The following MNX1 variants were observed in gnomAD, a reference collection of about 807,000 sequenced individuals.
MNX1 encodes the protein motor neuron and pancreas homeobox protein 1.
A neutral mutation model predicts 17.3 loss-of-function variants in MNX1; 2 were observed. The observed-to-expected ratio is 0.12, with a 90% CI of 0.05 to 0.36. MNX1 has a LOEUF of 0.36. MNX1 is among the 10% of genes least tolerant of loss of function. The pLI is 1.00. For synonymous variants in MNX1, 306 were observed against 283.1 expected (o/e 1.08, Z -0.81); for missense variants, 556 against 564.7 (o/e 0.98, Z 0.16).
Position 157,009,620 on chromosome 7 carries a change from C to T in MNX1, c.691+40G>A. On this transcript the variant is annotated intron_variant, in intron 1 of 2. Coordinates refer to ENST00000252971, the MANE Select transcript of MNX1 (RefSeq NM_005515.4). ...GTGCCGGTGGAGGATGCGCGAGGCCCTCCCGCCACGCGCATCCACGGGGGC... is the reference window on the plus strand; with the variant it reads ...GTGCCGGTGGAGGATGCGCGAGGCCTTCCCGCCACGCGCATCCACGGGGGC... 6 of 1,596,568 alleles carry T rather than the reference C, an allele frequency of 3.8e-6. No homozygotes were observed. The African/African-American group carries it at 5.4e-5, about 14-fold the overall frequency.
Position 157,005,333 on chromosome 7 carries a change from A to T in MNX1, c.*187T>A. The T allele has an allele frequency of 4.0e-6, 1 of 250,364 alleles. No individual in the cohort carries two copies. Among genetic ancestry groups the T allele is most frequent in the Non-Finnish European group, 6.6e-6 (1 of 151,950 alleles). 15.5% of individuals were successfully genotyped at this position (250,364 alleles called of 1,614,324 possible). A position where few individuals can be genotyped will look rare whatever the true frequency, so the allele number is the denominator to read the frequency against. ...GAGCAGGTGAGGCGCCCTTGCTTAA[A>T]AGGGAAGCGCCCAGGACCGGAGCCG... On this transcript the variant is annotated 3_prime_UTR_variant, in exon 3 of 3. Transcript: ENST00000252971.
In MNX1 at chr7:157,006,755, A is replaced by C; in HGVS notation, c.692-116T>G. 8.7e-7 allele frequency: 1 copy of C among 1,150,106 alleles called. No homozygotes were observed. The highest frequency in any genetic ancestry group is 1.2e-6 in the Non-Finnish European group (1 of 833,838). 71.2% of individuals were successfully genotyped at this position (1,150,106 alleles called of 1,614,324 possible). ...CCAGCGCCAAGGCCTGGCCCTGCAGAGGGCGGGGCTGTTCCCTCACTATCA... is the reference window on the plus strand; with the variant it reads ...CCAGCGCCAAGGCCTGGCCCTGCAGCGGGCGGGGCTGTTCCCTCACTATCA... On this transcript the variant is annotated intron_variant, in intron 1 of 2. Transcript: ENST00000252971. This position sits in a 1 kb window ranked among gnomAD's most constrained non-coding sequence, Gnocchi z 6.3.
Position 157,004,922 on chromosome 7 carries a change from A to G in MNX1, c.*598T>C, listed in dbSNP as rs2134836429. 1 of 199,566 alleles carries G rather than the reference A, an allele frequency of 5.0e-6. No homozygotes were observed. The highest frequency in any genetic ancestry group is 1.9e-4 in the South Asian group (1 of 5,232). 12.4% of individuals were successfully genotyped at this position (199,566 alleles called of 1,614,324 possible). On this transcript the variant is annotated 3_prime_UTR_variant, in exon 3 of 3. Coordinates refer to ENST00000252971, the MANE Select transcript of MNX1 (RefSeq NM_005515.4). This position sits in a 1 kb window ranked among gnomAD's most constrained non-coding sequence, Gnocchi z 6.2. ...GGGAGAAGCTAAATAATAATTTAGC[A>G]TGCATACGTAGACGTTTCTTTTTAT...
Position 157,005,559 on chromosome 7 carries a change from C to T in MNX1, c.1167G>A (p.Ser389=). The part of the protein sequence containing the change: ...ASSDCSSEDD[S]PPPRPSHQPA... The stretch of plus-strand genomic sequence containing the variant: ...GCTGGTGGCTGGGCCGCGGGGGCGG[C>T]GAGTCGTCCTCCGAGGAGCAGTCGG... Residue 389 remains serine (S), a synonymous_variant, in exon 3 of 3, where the codon TCG becomes TCA. Coordinates refer to ENST00000252971, the MANE Select transcript of MNX1 (RefSeq NM_005515.4). 1.3e-6 allele frequency: 2 copies of T among 1,559,374 alleles called. No homozygotes were observed. The highest frequency in any genetic ancestry group is 1.2e-5 in the South Asian group (1 of 85,272).
At position 157,006,762 on chromosome 7, in the gene MNX1, G is replaced by A. The variant is rs1805607926; in HGVS notation, c.692-123C>T. The stretch of plus-strand genomic sequence containing the variant: ...CAAGGCCTGGCCCTGCAGAGGGCGG[G>A]GCTGTTCCCTCACTATCAGTGCCCA... On this transcript the variant is annotated intron_variant, in intron 1 of 2. Transcript: ENST00000252971. This position sits in a 1 kb window ranked among gnomAD's most constrained non-coding sequence, Gnocchi z 6.3. 1 of 1,069,138 alleles carries A rather than the reference G, an allele frequency of 9.4e-7. No individual in the cohort carries two copies. Among genetic ancestry groups the A allele is most frequent in the Non-Finnish European group, 1.3e-6 (1 of 760,642 alleles). 66.2% of individuals were successfully genotyped at this position (1,069,138 alleles called of 1,614,324 possible).
chr7:157,009,722 A>C lies in MNX1; in HGVS notation c.629T>G (p.Leu210Arg). 1 of 1,608,370 alleles carries C rather than the reference A, an allele frequency of 6.2e-7. No individual in the cohort carries two copies. Among genetic ancestry groups the C allele is most frequent in the Non-Finnish European group, 8.5e-7 (1 of 1,178,890 alleles). ...PIKLGAGTFQ[L>R]DQWLRASTAG... Reference sequence around the variant, plus strand: ...GGTGGACGCGCGCAGCCACTGGTCCAGCTGGAAGGTGCCGGCGCCCAGCTT... The same window carrying C: ...GGTGGACGCGCGCAGCCACTGGTCCCGCTGGAAGGTGCCGGCGCCCAGCTT... Residue 210 changes from leucine (L) to arginine (R), a missense_variant, in exon 1 of 3, where the codon CTG becomes CGG. By Grantham distance (102) the Leu-to-Arg change is moderately radical. Coordinates refer to ENST00000252971, the MANE Select transcript of MNX1 (RefSeq NM_005515.4).
chr7:157,006,721 C>T lies in MNX1; in HGVS notation c.692-82G>A, dbSNP rs1237550806. 21 of 1,431,456 alleles carry T rather than the reference C, an allele frequency of 1.5e-5. No individual in the cohort carries two copies. The highest frequency in any genetic ancestry group is 1.8e-5 in the Non-Finnish European group (19 of 1,068,782). 88.7% of individuals were successfully genotyped at this position (1,431,456 alleles called of 1,614,324 possible). A position where few individuals can be genotyped will look rare whatever the true frequency, so the allele number is the denominator to read the frequency against. ...TCCCGTTGCTGCTTGTACCACTACA[C>T]TCAAGGCCCCAGCGCCAAGGCCTGG... On this transcript the variant is annotated intron_variant, in intron 1 of 2. Coordinates refer to ENST00000252971, the MANE Select transcript of MNX1 (RefSeq NM_005515.4). The surrounding 1 kb of genome is among the most constrained non-coding windows in gnomAD (Gnocchi z 6.3).
chr7:157,009,446 G>A, intron 1 of MNX1: 1 of 1,431,106 alleles, frequency 7.0e-7, no homozygotes, highest in South Asian at 1.5e-5. Context: ...GGAAGAGAAG[G>A]CAAGGCCTGC....
In MNX1 at chr7:157,005,114, T is replaced by A. The variant is rs1329154834; in HGVS notation, c.*406A>T. ...GCTCCAGAGGCGGTTTCAAGTTTCATAAGTCAGGTAACACTGTGGGTTTCC... is the reference window on the plus strand; with the variant it reads ...GCTCCAGAGGCGGTTTCAAGTTTCAAAAGTCAGGTAACACTGTGGGTTTCC... On this transcript the variant is annotated 3_prime_UTR_variant, in exon 3 of 3. Coordinates refer to ENST00000252971, the MANE Select transcript of MNX1 (RefSeq NM_005515.4). 4.4e-6 allele frequency: 1 copy of A among 228,918 alleles called. No individual in the cohort carries two copies. Among genetic ancestry groups the A allele is most frequent in the African/African-American group, 2.2e-5 (1 of 44,930 alleles). The allele number at this position is 228,918 out of a possible 1,614,324, so 14.2% of individuals were successfully genotyped here.
At position 157,010,427 on chromosome 7, in the gene MNX1, G is replaced by T; in HGVS notation, c.-77C>A. The T allele has an allele frequency of 1.7e-6, 2 of 1,179,880 alleles. No individual in the cohort carries two copies. Among genetic ancestry groups the T allele is most frequent in the Non-Finnish European group, 2.4e-6 (2 of 835,664 alleles). The allele number at this position is 1,179,880 out of a possible 1,614,324, so 73.1% of individuals were successfully genotyped here. A position where few individuals can be genotyped will look rare whatever the true frequency, so the allele number is the denominator to read the frequency against. ...GTGCGGGCTCGCGGAGTCAGTGCGT[G>T]CGGTGCAAGCCCGGGGGCTCGGTAT... On this transcript the variant is annotated 5_prime_UTR_variant, in exon 1 of 3. Transcript: ENST00000252971.
At position 157,006,384 on chromosome 7, in the gene MNX1, C is replaced by A; in HGVS notation, c.852+95G>T. 1 of 1,385,390 alleles carries A rather than the reference C, an allele frequency of 7.2e-7. No homozygotes were observed. Among genetic ancestry groups the A allele is most frequent in the Non-Finnish European group, 9.8e-7 (1 of 1,020,516 alleles). 85.8% of individuals were successfully genotyped at this position (1,385,390 alleles called of 1,614,324 possible). On this transcript the variant is annotated intron_variant, in intron 2 of 2. Coordinates refer to ENST00000252971, the MANE Select transcript of MNX1 (RefSeq NM_005515.4). The surrounding 1 kb of genome is among the most constrained non-coding windows in gnomAD (Gnocchi z 6.3). ...CGCCGTCTGAACCGTCGAGGCGCAG[C>A]GCTAGATGCCTCAGACCGCCCGTGG...
At position 157,005,826 on chromosome 7, in the gene MNX1, T is replaced by C; in HGVS notation, c.900A>G (p.Lys300=). 6.2e-7 allele frequency: 1 copy of C among 1,612,416 alleles called. No homozygotes were observed. The highest frequency in any genetic ancestry group is 8.5e-7 in the Non-Finnish European group (1 of 1,179,818). Residue 300 remains lysine (K), a synonymous_variant, in exon 3 of 3, where the codon AAA becomes AAG. Transcript: ENST00000252971. The stretch of plus-strand genomic sequence containing the variant: ...CCTGCGCCGCCTGCTCTTTGGCCTT[T>C]TTGCTGCGTTTCCATTTCATCCGCC... ...QNRRMKWKRS[K]KAKEQAAQEA...
chr7:157,007,113 TAATAA>T (rs1805616953), intron 1 of MNX1: 1 of 151,854 alleles, frequency 6.6e-6, no homozygotes, highest in Non-Finnish European at 1.5e-5. Context: ...AAATAAAAAA[TAATAA>T]AATAATAAAA....
chr7:157,005,288 C>T lies in MNX1; in HGVS notation c.*232G>A, dbSNP rs66587043. On this transcript the variant is annotated 3_prime_UTR_variant, in exon 3 of 3. Transcript: ENST00000252971. ...GTTCAAGTTTCAGCCCCCTGGGTCT[C>T]CCTCTCGCTGTTTCTTGAAGAGCAG... 29,934 of 279,522 alleles carry T rather than the reference C, an allele frequency of 0.11. 2,121 individuals carry two copies. The highest frequency in any genetic ancestry group is 0.22 in the African/African-American group (10,297 of 45,998). The allele number at this position is 279,522 out of a possible 1,614,324, so 17.3% of individuals were successfully genotyped here. A position where few individuals can be genotyped will look rare whatever the true frequency, so the allele number is the denominator to read the frequency against.
In MNX1 at chr7:157,005,730, C is replaced by A. The variant is rs1206664613; in HGVS notation, c.996G>T (p.Glu332Asp). 1 of 1,609,616 alleles carries A rather than the reference C, an allele frequency of 6.2e-7. No individual in the cohort carries two copies. The highest frequency in any genetic ancestry group is 2.2e-5 in the East Asian group (1 of 44,856). ...KGGAEEPGAE[E>D]LLGPPAPGDK... ...CTCCGGGCGCTGGCGGCCCCAGCAG[C>A]TCCTCGGCTCCCGGCTCCTCCGCGC... The change falls in exon 3 of 3, where the codon GAG (glutamate) becomes GAT (aspartate). Residue 332 changes from glutamate to aspartate, a missense_variant. Around this residue, in one of 7 missense-constraint regions of MNX1, gnomAD observed 178 missense variants for 155.2 expected, o/e 1.15. Coordinates refer to ENST00000252971, the MANE Select transcript of MNX1 (RefSeq NM_005515.4).
chr7:157,005,804 G>T lies in MNX1; in HGVS notation c.922C>A (p.Gln308Lys). Residue 308 changes from glutamine (Q) to lysine (K), a missense_variant, in exon 3 of 3, where the codon CAG (glutamine) becomes AAG (lysine). Coordinates refer to ENST00000252971, the MANE Select transcript of MNX1 (RefSeq NM_005515.4). ...CCGCCCTTCTGTTTCTCCGCTTCCT[G>T]CGCCGCCTGCTCTTTGGCCTTTTTG... is the stretch of plus-strand genomic sequence containing the variant. ...RSKKAKEQAA[Q>K]EAEKQKGGGG... The T allele has an allele frequency of 6.2e-7, 1 of 1,611,956 alleles. No homozygotes were observed.
Position 157,010,356 on chromosome 7 carries a change from C to G in MNX1, c.-6G>C, listed in dbSNP as rs763573015. On this transcript the variant is annotated 5_prime_UTR_variant, in exon 1 of 3. Transcript: ENST00000252971. ...AAATTTTTGGATTTTTCCATCGGCT[C>G]GTTTGGGGCTGGCGCTCAGGGCCCG... The G allele has an allele frequency of 6.4e-7, 1 of 1,571,726 alleles. No individual in the cohort carries two copies. Among genetic ancestry groups the G allele is most frequent in the African/African-American group, 1.4e-5 (1 of 71,854 alleles).
chr7:157,006,350 C>A lies in MNX1; in HGVS notation c.852+129G>T. ...GGCGCTCTGGGCACCTTAGATGAAC[C>A]CGTGCGCCCGCCGTCTGAACCGTCG... On this transcript the variant is annotated intron_variant, in intron 2 of 2. Coordinates refer to ENST00000252971, the MANE Select transcript of MNX1 (RefSeq NM_005515.4). This position sits in a 1 kb window ranked among gnomAD's most constrained non-coding sequence, Gnocchi z 6.3. The A allele has an allele frequency of 9.3e-7, 1 of 1,080,910 alleles. No homozygotes were observed. Among genetic ancestry groups the A allele is most frequent in the East Asian group, 2.6e-5 (1 of 38,412 alleles). 67.0% of individuals were successfully genotyped at this position (1,080,910 alleles called of 1,614,324 possible).
At position 157,006,782 on chromosome 7, in the gene MNX1, T is replaced by G; in HGVS notation, c.692-143A>C. 2 of 796,208 alleles carry G rather than the reference T, an allele frequency of 2.5e-6. No homozygotes were observed. The highest frequency in any genetic ancestry group is 1.8e-5 in the African/African-American group (1 of 55,056). The allele number at this position is 796,208 out of a possible 1,614,324, so 49.3% of individuals were successfully genotyped here. ...GGCGGGGCTGTTCCCTCACTATCAG[T>G]GCCCACTCCCCAAGGAATGCGGACT... On this transcript the variant is annotated intron_variant, in intron 1 of 2. Coordinates refer to ENST00000252971, the MANE Select transcript of MNX1 (RefSeq NM_005515.4). This position sits in a 1 kb window ranked among gnomAD's most constrained non-coding sequence, Gnocchi z 6.3.
Sources: gnomAD v4.1 joint callset for allele counts on GRCh38, gnomAD v4.1.1 for gene constraint, gnomAD v4.1.1 regional missense constraint, Gnocchi (gnomAD v3.1) non-coding constraint, MANE v1.5 for transcripts, NCBI Gene and HGNC (gene_info 2026-07-23, HGNC 2026-07-21) for gene names.